Variants in IL4I1 observed in about 807,000 individuals in gnomAD.
IL4I1 encodes the protein interleukin 4 induced 1.
Under a neutral mutation model 29.7 loss-of-function variants are expected in IL4I1, and 24 were observed. The ratio of observed to expected loss-of-function variants is 0.81; its 90% CI spans 0.59 to 1.14. IL4I1 has a LOEUF of 1.14. Ranked by LOEUF, IL4I1 falls within the 50% of genes most tolerant of loss-of-function variation. The probability of loss-of-function intolerance (pLI) is 0.00; values close to 1 mark genes in which losing one functional copy is unlikely to be tolerated. For synonymous variants in IL4I1, 371 were observed against 352.5 expected, an observed-to-expected ratio of 1.05 and a Z score of -0.59; for missense variants, 686 against 785.6, an observed-to-expected ratio of 0.87 and a Z score of 1.52.
chr19:49,924,650 G>A (rs2075842007), intron 2 of IL4I1, among the ~76,000 whole-genome samples: 1 of 152,208 alleles, frequency 6.6e-6, no homozygotes, highest in African/African-American at 2.4e-5. Context: ...CACAGGCCTG[G>A]GTCAGGAATG....
chr19:49,920,597 C>T (rs558599808), intron 2 of IL4I1, among the ~76,000 whole-genome samples: 43 of 152,268 alleles, frequency 2.8e-4, no homozygotes, highest in African/African-American at 9.9e-4. Context: ...GCTGTGGAGG[C>T]GGATAGGCGT....
Position 49,889,856 on chromosome 19 carries a change from G to A in IL4I1, c.1518C>T (p.Ser506=), listed in dbSNP as rs373968942. 5.6e-6 allele frequency: 9 copies of A among 1,593,542 alleles called. No homozygotes were observed. The highest frequency in any genetic ancestry group is 5.4e-5 in the African/African-American group (4 of 74,070). ...CCGTGTCCGATGCAGGCCCCTTCCG[G>A]CTGTTGATCTTGATGGCGGCGCGCA... is the stretch of plus-strand genomic sequence containing the variant. The part of the protein sequence containing the change: ...SALRAAIKIN[S]RKGPASDTAS... The change falls in exon 8 of 8, where the codon AGC becomes AGT. Residue 506 remains serine, a synonymous_variant. Coordinates refer to ENST00000391826, the MANE Select transcript of IL4I1 (RefSeq NM_152899.2).
rs755277180 is a variant in IL4I1 at position 49,908,957 on chromosome 19, C to CTGGTGGTGG, written c.-227-4637_-227-4636insCCACCACCA. On this transcript the variant is annotated intron_variant, in intron 2 of 9. Coordinates refer to the IL4I1 transcript ENST00000341114. ...CAAGGCAAAGCCGGTGGTGCTGCTG[C>CTGGTGGTGG]TGCTGGTGGTGGTGGCGGTGGCGGT... The CTGGTGGTGG allele has an allele frequency of 6.2e-6, 10 of 1,609,454 alleles. No homozygotes were observed. The Admixed American group carries it at 6.7e-5, about 11-fold the overall frequency.
chr19:49,894,258 CG>C lies in IL4I1; in HGVS notation c.567+9del. 1 of 1,610,550 alleles carries C rather than the reference CG, an allele frequency of 6.2e-7. No homozygotes were observed. Among genetic ancestry groups the C allele is most frequent in the South Asian group, 1.1e-5 (1 of 90,474 alleles). On this transcript the variant is annotated intron_variant, in intron 5 of 7. Transcript: ENST00000391826. ...AGTCAGGGCGGGAGGAGGGTGCAGG[CG>C]GTACCCACCTGGTTGAGAGCCATCT...
At chr19:49,894,228 A>C in intron 5 of IL4I1, 40 bp downstream of exon 5, 3 of 1,586,352 alleles carry the variant, frequency 1.9e-6, no homozygotes, top group Non-Finnish European at 2.6e-6. Context: ...GGAGGAGGAC[A>C]GAGAAGTCAG....
At chr19:49,896,319 C>T in intron 1 of IL4I1, 137 bp from the exon 2 acceptor site, 3 of 1,104,950 alleles carry the variant, frequency 2.7e-6, no homozygotes, top group South Asian at 3.3e-5. Flanking sequence ...ACCTGTGTCC[C>T]CTAACCCCAT....
intron 7 of IL4I1, 34 bp downstream of exon 7, chr19:49,890,937 C>CCCCCCCCCCCG: frequency 1.2e-5 from 2 of 160,026 alleles, no homozygotes; most frequent in South Asian, 6.4e-5. Flanking sequence ...TTGCCCCCCG[C>CCCCCCCCCCCG]CCCCCCCCCC....
At chr19:49,891,211 G>A (rs972062169) in intron 6 of IL4I1, 104 bp from the exon 7 acceptor site, 1 of 1,490,122 alleles carries the variant, frequency 6.7e-7, no homozygotes, top group East Asian at 2.3e-5. Flanking sequence ...TCCTTGGACC[G>A]TAGGATCCTG....
chr19:49,925,099 T>TA (rs2075854920), intron 2 of IL4I1, among the ~76,000 whole-genome samples: 1 of 151,802 alleles, frequency 6.6e-6, no homozygotes, highest in African/African-American at 2.4e-5. Context: ...CCGTCTCTAC[T>TA]AAAAATACAA....
chr19:49,916,048 C>T (rs1035985686), intron 2 of IL4I1, among the ~76,000 whole-genome samples: 5 of 152,320 alleles, frequency 3.3e-5, no homozygotes, highest in South Asian at 2.1e-4. Context: ...ACTGTGTAAC[C>T]GGCACCGTGC....
intron 2 of IL4I1, chr19:49,909,287 C>T (rs2075400385): frequency 6.2e-7 from 1 of 1,613,880 alleles, no homozygotes; most frequent in Non-Finnish European, 8.5e-7. Flanking sequence ...CCCTGCTGAG[C>T]CAATGTTGAA....
chr19:49,902,979 G>A (rs922764802), intron 3 of IL4I1, among the ~76,000 whole-genome samples: 1 of 151,780 alleles, frequency 6.6e-6, no homozygotes, highest in African/African-American at 2.4e-5. Context: ...GCTGGGTGTG[G>A]TAGTGCACGC....
chr19:49,907,397 A>G (rs1039748960), intron 2 of IL4I1: 2 of 380,706 alleles, frequency 5.3e-6, no homozygotes, highest in African/African-American at 4.4e-5. Context: ...CAGGCCCCTC[A>G]GCTGACCTGT....
chr19:49,897,242 A>G (rs2075222254), upstream of IL4I1, among the ~76,000 whole-genome samples: 1 of 152,118 alleles, frequency 6.6e-6, no homozygotes, highest in Admixed American at 6.5e-5. Context: ...CAGAGGGGCT[A>G]CAGGTCCCTG....
At chr19:49,920,228 G>A (rs977075762) in intron 2 of IL4I1, among the ~76,000 whole-genome samples, 5 of 152,172 alleles carry the variant, frequency 3.3e-5, no homozygotes, top group Admixed American at 6.5e-5. Flanking sequence ...GACTACAGGC[G>A]CGTGCCACCA....
intron 2 of IL4I1, among the ~76,000 whole-genome samples, chr19:49,924,184 G>A (rs550989469): frequency 5.7e-4 from 87 of 152,298 alleles, no homozygotes; most frequent in African/African-American, 2.0e-3. Context: ...GCATGGTGGA[G>A]GCTGAGGTCC....
intron 2 of IL4I1, chr19:49,908,168 A>G (rs948649371): frequency 1.3e-6 from 2 of 1,576,868 alleles, no homozygotes; most frequent in African/African-American, 2.7e-5. Flanking sequence ...CACAACCCCA[A>G]ACTACAGACA....
rs56080840 is a variant in IL4I1, at chr19:49,890,925, G to C, written c.773+46C>G. On this transcript the variant is annotated intron_variant, in intron 7 of 7. Coordinates refer to ENST00000391826, the MANE Select transcript of IL4I1 (RefSeq NM_152899.2). Reference sequence around the variant, plus strand: ...CCTCCCACTCCCTGCTACTTTCCCTGATTGCCCCCCGCCCCCCCCCCCTGC... The same window carrying C: ...CCTCCCACTCCCTGCTACTTTCCCTCATTGCCCCCCGCCCCCCCCCCCTGC... 1.0e-2 allele frequency: 9,892 copies of C among 990,916 alleles called. 385 individuals are homozygous for C. The highest frequency in any genetic ancestry group is 0.044 in the East Asian group (1,495 of 33,738). The allele number at this position is 990,916 out of a possible 1,614,324, so 61.4% of individuals were successfully genotyped here.
intron 2 of IL4I1, among the ~76,000 whole-genome samples, chr19:49,924,893 C>T (rs2075849319): frequency 6.6e-6 from 1 of 152,136 alleles, no homozygotes; most frequent in Non-Finnish European, 1.5e-5. Context: ...GAGTCCCTGC[C>T]CAGACACCTC....
Sources: gnomAD v4.1 joint callset for allele counts (sites outside exome capture counted in the v4.1 genomes callset) on GRCh38, gnomAD v4.1.1 for gene constraint, MANE v1.5 for transcripts, NCBI Gene and HGNC (gene_info 2026-07-23, HGNC 2026-07-21) for gene names.